Variants in GLRA3 observed in about 807,000 individuals in gnomAD.
The protein encoded by GLRA3 is glycine receptor alpha 3.
A neutral mutation model predicts 60.4 loss-of-function variants in GLRA3; 44 were observed. The observed-to-expected ratio is 0.73, with a 90% confidence interval of 0.57 to 0.94. The LOEUF (loss-of-function observed/expected upper bound fraction) is 0.94, where lower values mean the gene tolerates loss of function less well. Among genes scored for constraint, GLRA3 ranks in the 40% least tolerant of loss-of-function variants. The pLI is 0.00. For synonymous variants in GLRA3, 223 were observed against 192.9 expected (o/e 1.16, Z -1.29); for missense variants, 508 against 564.6 (o/e 0.90, Z 1.02).
Position 174,715,486 on chromosome 4 carries a change from AC to A in GLRA3, c.574+1del, listed in dbSNP as rs1735880520. The A allele has an allele frequency of 7.0e-7, 1 of 1,436,842 alleles. No individual in the cohort carries two copies. Among genetic ancestry groups the A allele is most frequent in the Non-Finnish European group, 9.8e-7 (1 of 1,023,972 alleles). The allele number at this position is 1,436,842 out of a possible 1,614,324, so 89.0% of individuals were successfully genotyped here. On this transcript the variant is annotated splice_donor_variant, in intron 5 of 9. Coordinates refer to ENST00000274093, the MANE Select transcript of GLRA3 (RefSeq NM_006529.4). LOFTEE classifies it high-confidence loss of function. ...TTTAAAAAGTAAGTGGTTCATACTT[AC>A]AGCTTTCCAGTTGCATTATACATGT...
At chr4:174,804,595 G>C (rs763700692) in intron 1 of GLRA3, among the ~76,000 whole-genome samples, 2 of 152,174 alleles carry the variant, frequency 1.3e-5, no homozygotes, top group Non-Finnish European at 2.9e-5. Flanking sequence ...GATTGAAGTA[G>C]TGTCATTCAT....
chr4:174,733,479 G>C (rs978054418), intron 3 of GLRA3, among the ~76,000 whole-genome samples: 2 of 152,114 alleles, frequency 1.3e-5, no homozygotes, highest in Non-Finnish European at 2.9e-5. Flanking sequence ...GCCCAGCCTG[G>C]AGCATGTCTT....
chr4:174,676,840 A>T (rs1014083197), intron 7 of GLRA3, among the ~76,000 whole-genome samples: 4 of 152,198 alleles, frequency 2.6e-5, no homozygotes, highest in African/African-American at 9.6e-5. Context: ...AGTATTATTG[A>T]TATTTAAATA....
intron 7 of GLRA3, among the ~76,000 whole-genome samples, chr4:174,675,299 A>G (rs1471285109): frequency 2.6e-5 from 4 of 152,134 alleles, no homozygotes; most frequent in Admixed American, 2.6e-4. Flanking sequence ...CTATTTCTTG[A>G]GAAAAAAATA....
At chr4:174,796,690 C>G (rs1219457790) in intron 1 of GLRA3, among the ~76,000 whole-genome samples, 1 of 152,076 alleles carries the variant, frequency 6.6e-6, no homozygotes, top group East Asian at 1.9e-4. Context: ...GCATATGCCA[C>G]CACGCCCAGC....
intron 3 of GLRA3, among the ~76,000 whole-genome samples, chr4:174,741,741 G>A (rs1170312461): frequency 6.6e-6 from 1 of 151,762 alleles, no homozygotes; most frequent in African/African-American, 2.4e-5. Flanking sequence ...TTAGGTTTGC[G>A]GTCAACTACG....
chr4:174,742,989 G>A (rs142251756), intron 3 of GLRA3, among the ~76,000 whole-genome samples: 2 of 152,212 alleles, frequency 1.3e-5, no homozygotes, highest in East Asian at 3.9e-4. Context: ...ATAAAACTCT[G>A]TATCTGTTGT....
intron 3 of GLRA3, among the ~76,000 whole-genome samples, chr4:174,732,866 T>C (rs1326244969): frequency 6.6e-6 from 1 of 152,046 alleles, no homozygotes; most frequent in African/African-American, 2.4e-5. Context: ...TTCATCAATA[T>C]AGAATTATAA....
intron 5 of GLRA3, among the ~76,000 whole-genome samples, chr4:174,684,633 A>G (rs961504564): frequency 1.3e-5 from 2 of 152,246 alleles, no homozygotes; most frequent in Non-Finnish European, 2.9e-5. Context: ...TACTTTGATC[A>G]ATGAGTTTCT....
intron 3 of GLRA3, among the ~76,000 whole-genome samples, chr4:174,729,558 T>G (rs1736474515): frequency 6.6e-6 from 1 of 152,242 alleles, no homozygotes; most frequent in African/African-American, 2.4e-5. Context: ...TGATTTCAAC[T>G]AAATTATTGC....
At chr4:174,663,456 A>G (rs1733534072) in intron 7 of GLRA3, among the ~76,000 whole-genome samples, 1 of 152,202 alleles carries the variant, frequency 6.6e-6, no homozygotes, top group South Asian at 2.1e-4. Flanking sequence ...AATGACATGA[A>G]CCACAGAAAT....
intron 4 of GLRA3, among the ~76,000 whole-genome samples, chr4:174,727,334 C>A (rs567642574): frequency 6.6e-6 from 1 of 152,084 alleles, no homozygotes; most frequent in Non-Finnish European, 1.5e-5. Context: ...AATCAAATAC[C>A]CCCATTCCTG....
At chr4:174,802,250 G>T (rs2111344471) in intron 1 of GLRA3, among the ~76,000 whole-genome samples, 1 of 152,052 alleles carries the variant, frequency 6.6e-6, no homozygotes, top group Middle Eastern at 3.4e-3. Flanking sequence ...TAGAGCTGAT[G>T]TTTACATTTT....
At chr4:174,827,065 T>C (rs1168999554) in intron 1 of GLRA3, among the ~76,000 whole-genome samples, 2 of 152,026 alleles carry the variant, frequency 1.3e-5, no homozygotes, top group Admixed American at 6.5e-5. Context: ...AGAATATAAG[T>C]TATGAAGTAA....
chr4:174,688,310 C>T (rs1734626954), intron 5 of GLRA3, among the ~76,000 whole-genome samples: 1 of 94,678 alleles, frequency 1.1e-5, no homozygotes, highest in Admixed American at 1.5e-4. Context: ...CTTATCCTTA[C>T]CTGACATCAT....
chr4:174,747,746 C>G, intron 3 of GLRA3, among the ~76,000 whole-genome samples: 1 of 152,046 alleles, frequency 6.6e-6, no homozygotes, highest in East Asian at 1.9e-4. Flanking sequence ...ACAGGTGAAG[C>G]AGATTTGGAT....
At chr4:174,742,026 G>T (rs1258207593) in intron 3 of GLRA3, among the ~76,000 whole-genome samples, 3 of 152,004 alleles carry the variant, frequency 2.0e-5, no homozygotes, top group Admixed American at 6.6e-5. Flanking sequence ...CCCTAGCATG[G>T]TTTTTGTGAG....
chr4:174,778,941 G>A (rs367580606), intron 2 of GLRA3, among the ~76,000 whole-genome samples: 8 of 149,390 alleles, frequency 5.4e-5, no homozygotes, highest in African/African-American at 1.3e-4. Context: ...CAAAGCAGCC[G>A]GGAAGCTCCA....
intron 1 of GLRA3, among the ~76,000 whole-genome samples, chr4:174,814,490 T>A (rs773879454): frequency 2.0e-5 from 3 of 152,286 alleles, no homozygotes; most frequent in Non-Finnish European, 2.9e-5. Context: ...ACTCTGCCAG[T>A]GGAGCTTGGA....
Sources: allele counts gnomAD v4.1 joint callset (sites outside exome capture counted in the v4.1 genomes callset), GRCh38; gene constraint gnomAD v4.1.1; transcripts MANE v1.5; gene names NCBI Gene and HGNC (gene_info 2026-07-23, HGNC 2026-07-21).